The following CSMD3 variants were observed in gnomAD, a reference collection of about 807,000 sequenced individuals.
The protein encoded by CSMD3 is CUB and sushi domain-containing protein 3.
Under a neutral mutation model 435.2 loss-of-function variants are expected in CSMD3, and 177 were observed. That is an observed-to-expected ratio of 0.41 (90% CI 0.36 to 0.46). CSMD3 has a LOEUF of 0.46. CSMD3 is among the 20% of genes least tolerant of loss of function. The pLI is 0.34. For synonymous variants in CSMD3, 1,656 were observed against 1,520.5 expected (o/e 1.09, Z -2.07); for missense variants, 4,265 against 4,504.6 (o/e 0.95, Z 1.52).
chr8:112,914,009 C>T lies in CSMD3; in HGVS notation c.1633+7618G>A, dbSNP rs547765021. On this transcript the variant is annotated intron_variant, in intron 10 of 70. Coordinates refer to ENST00000297405, the MANE Select transcript of CSMD3 (RefSeq NM_198123.2). The stretch of plus-strand genomic sequence containing the variant: ...ATTGATCTCTTTGAGGAGAAAAATT[C>T]ATCTTTTCCCTCCCCTTACCTAATA... Among the ~76,000 whole-genome samples the T allele has an allele frequency of 5.9e-5, 9 of 151,938 alleles. No homozygotes were observed. In the South Asian group the frequency reaches 1.9e-3, roughly 32 times the overall value.
At chr8:113,355,741 T>C (rs1209995769) in intron 1 of CSMD3, among the ~76,000 whole-genome samples, 4 of 107,848 alleles carry the variant, frequency 3.7e-5, no homozygotes, top group Non-Finnish European at 6.9e-5. Context: ...TATATATATA[T>C]ATATATATAC....
intron 16 of CSMD3, among the ~76,000 whole-genome samples, chr8:112,669,040 T>G (rs1179221540): frequency 6.7e-6 from 1 of 148,658 alleles, no homozygotes; most frequent in African/African-American, 2.5e-5. Context: ...GTATTTATTC[T>G]TTTTTTTTTG....
At chr8:112,685,075 T>C (rs760415605) in intron 15 of CSMD3, among the ~76,000 whole-genome samples, 16 of 152,204 alleles carry the variant, frequency 1.1e-4, no homozygotes, top group Non-Finnish European at 2.2e-4. Flanking sequence ...AATAACAAAG[T>C]ATGTGATCAA....
rs558864228 is a variant in CSMD3, at chr8:112,507,522, C to T, written c.4757-693G>A. Among the ~76,000 whole-genome samples, 418 of 152,238 alleles carry T rather than the reference C, an allele frequency of 2.7e-3. 1 individual carries two copies. Among genetic ancestry groups the T allele is most frequent in the African/African-American group, 9.6e-3 (397 of 41,528 alleles). On this transcript the variant is annotated intron_variant, in intron 28 of 70. Transcript: ENST00000297405. ...TGGGAAATACAAATAAATACACACA[C>T]CCAAGTGAGGGACATTAAGATTAGG... is the stretch of plus-strand genomic sequence containing the variant.
chr8:112,362,896 T>C (rs1395581741), intron 38 of CSMD3, among the ~76,000 whole-genome samples: 1 of 151,944 alleles, frequency 6.6e-6, no homozygotes, highest in African/African-American at 2.4e-5. Context: ...TTTTCTTTCT[T>C]TTTTGGAAAG....
chr8:112,475,321 TA>T (rs1469850530), intron 31 of CSMD3, among the ~76,000 whole-genome samples: 3 of 152,166 alleles, frequency 2.0e-5, no homozygotes, highest in Admixed American at 6.5e-5. Flanking sequence ...CAGCTTTTAT[TA>T]AAAATCATAT....
chr8:112,350,162 A>C (rs983011368), intron 40 of CSMD3, among the ~76,000 whole-genome samples: 1 of 152,006 alleles, frequency 6.6e-6, no homozygotes, highest in Non-Finnish European at 1.5e-5. Context: ...TGAGAAAATA[A>C]ATTTCTGTTG....
At chr8:113,329,675 A>T (rs2094012055) in intron 1 of CSMD3, among the ~76,000 whole-genome samples, 1 of 146,866 alleles carries the variant, frequency 6.8e-6, no homozygotes, top group Non-Finnish European at 1.5e-5. Flanking sequence ...CCACACCCAG[A>T]CACATCACAG....
At chr8:113,121,980 C>G (rs1234059349) in intron 4 of CSMD3, among the ~76,000 whole-genome samples, 1 of 151,880 alleles carries the variant, frequency 6.6e-6, no homozygotes, top group Non-Finnish European at 1.5e-5. Context: ...AAAAAGGTAC[C>G]CCTTTACGTA....
chr8:112,422,965 C>T (rs1440777163), intron 32 of CSMD3, among the ~76,000 whole-genome samples: 1 of 152,054 alleles, frequency 6.6e-6, no homozygotes, highest in Non-Finnish European at 1.5e-5. Flanking sequence ...TATACATATT[C>T]CTTTAGTTAC....
intron 70 of CSMD3, among the ~76,000 whole-genome samples, chr8:112,225,926 C>G (rs897726974): frequency 1.3e-5 from 2 of 152,116 alleles, no homozygotes; most frequent in African/African-American, 4.8e-5. Context: ...GCATGTATAA[C>G]TTGCTCACAT....
intron 35 of CSMD3, among the ~76,000 whole-genome samples, chr8:112,395,734 T>C (rs1264594736): frequency 2.0e-5 from 3 of 152,122 alleles, no homozygotes; most frequent in Non-Finnish European, 2.9e-5. Context: ...CAGGGGGTTA[T>C]TTGAATCACA....
intron 17 of CSMD3, among the ~76,000 whole-genome samples, chr8:112,661,048 A>C (rs911219255): frequency 2.0e-5 from 3 of 152,160 alleles, no homozygotes; most frequent in Non-Finnish European, 4.4e-5. Flanking sequence ...AAGACTGATT[A>C]TTGTTCCTGT....
chr8:113,377,260 A>T (rs1172944980), intron 1 of CSMD3: 7 of 373,588 alleles, frequency 1.9e-5, no homozygotes, highest in Admixed American at 1.4e-4. Flanking sequence ...CGTGGAGCCT[A>T]CCCTCTTATT....
chr8:112,935,495 T>C (rs1412343781), intron 9 of CSMD3, among the ~76,000 whole-genome samples: 3 of 152,082 alleles, frequency 2.0e-5, no homozygotes, highest in Admixed American at 2.0e-4. Context: ...ATTGCTATGG[T>C]TAGTATAGAC....
chr8:112,474,850 A>T (rs1364767439), intron 31 of CSMD3, among the ~76,000 whole-genome samples: 8 of 152,200 alleles, frequency 5.3e-5, no homozygotes, highest in African/African-American at 1.9e-4. Flanking sequence ...AATGTTCTAT[A>T]AAAAGGTAAT....
intron 58 of CSMD3, among the ~76,000 whole-genome samples, chr8:112,284,745 G>T (rs2130613201): frequency 6.6e-6 from 1 of 151,882 alleles, no homozygotes; most frequent in African/African-American, 2.4e-5. Context: ...CACAAAAGTG[G>T]AGTAATAAAC....
chr8:112,699,474 A>G (rs2076338056), intron 13 of CSMD3, among the ~76,000 whole-genome samples: 1 of 152,210 alleles, frequency 6.6e-6, no homozygotes, highest in African/African-American at 2.4e-5. Context: ...GGGGAAAAAA[A>G]GAGAAAACTA....
chr8:113,205,519 A>G (rs964016843), intron 3 of CSMD3, among the ~76,000 whole-genome samples: 1 of 152,166 alleles, frequency 6.6e-6, no homozygotes, highest in African/African-American at 2.4e-5. Context: ...AGGCGATACC[A>G]TCTAGGTTTG....
Sources: gnomAD v4.1 joint callset for allele counts (sites outside exome capture counted in the v4.1 genomes callset) on GRCh38, gnomAD v4.1.1 for gene constraint, MANE v1.5 for transcripts, NCBI Gene and HGNC (gene_info 2026-07-23, HGNC 2026-07-21) for gene names.